The following NAALADL2 variants were observed in gnomAD, a reference collection of about 807,000 sequenced individuals.
The protein encoded by NAALADL2 is inactive N-acetylated-alpha-linked acidic dipeptidase-like protein 2.
NAALADL2 carries 76 observed loss-of-function variants against 87.2 expected under a neutral mutation model. The observed-to-expected ratio is 0.87, with a 90% CI of 0.72 to 1.05. NAALADL2 has a LOEUF of 1.05. Ranked by LOEUF, NAALADL2 falls within the 50% of genes least tolerant of loss-of-function variation. The probability of loss-of-function intolerance (pLI) is 0.00; values close to 1 mark genes in which losing one functional copy is unlikely to be tolerated. For missense variants in NAALADL2, 1,089 were observed against 945.8 expected (o/e 1.15, Z -1.99); for synonymous variants, 354 against 331.0 (o/e 1.07, Z -0.75).
At chr3:175,720,652 A>G (rs148867652) in intron 11 of NAALADL2, among the ~76,000 whole-genome samples, 3,828 of 151,744 alleles carry the variant, frequency 0.025, 59 homozygotes, top group Middle Eastern at 0.075. Flanking sequence ...CCCACATCTA[A>G]AAAAAAATTG....
At chr3:175,612,107 G>C (rs1220065931) in intron 10 of NAALADL2, among the ~76,000 whole-genome samples, 1 of 152,048 alleles carries the variant, frequency 6.6e-6, no homozygotes, top group Admixed American at 6.6e-5. Context: ...TTTAGCCCTT[G>C]GTAAGTAGTA....
chr3:175,068,243 A>T lies in NAALADL2; in HGVS notation c.44-28547A>T, dbSNP rs62287681. Among the ~76,000 whole-genome samples, 12 of 152,230 alleles carry T rather than the reference A, an allele frequency of 7.9e-5. No individual in the cohort carries two copies. The South Asian group carries it at 1.0e-3, about 13-fold the overall frequency. On this transcript the variant is annotated intron_variant, in intron 1 of 13. Transcript: ENST00000454872. ...GCACATGTACCCCTGAATCTAAAAG[A>T]AAAGTTGAGCTTGTAAAACAATAGA...
rs375498712 is a variant in NAALADL2 at position 175,310,122 on chromosome 3, T to G, written c.940-14053T>G. ...AAAATTTCCAAAGTGATTTGACATA[T>G]ACCTTTAATGATAATACTCATTTGC... On this transcript the variant is annotated intron_variant, in intron 4 of 13. Coordinates refer to ENST00000454872, the MANE Select transcript of NAALADL2 (RefSeq NM_207015.3). Among the ~76,000 whole-genome samples, 85 of 152,334 alleles carry G rather than the reference T, an allele frequency of 5.6e-4. 1 individual carries two copies. The South Asian group carries it at 0.017, about 31-fold the overall frequency.
intron 2 of NAALADL2, among the ~76,000 whole-genome samples, chr3:174,725,483 T>C (rs1029003432): frequency 2.4e-4 from 36 of 152,118 alleles, no homozygotes; most frequent in African/African-American, 8.7e-4. Flanking sequence ...ATTCCAAGGG[T>C]AATGACGTAA....
chr3:175,335,428 T>C (rs1761878223), intron 5 of NAALADL2, among the ~76,000 whole-genome samples: 2 of 152,206 alleles, frequency 1.3e-5, no homozygotes, highest in African/African-American at 2.4e-5. Flanking sequence ...TCTTGATAAC[T>C]GAGGATTGTT....
chr3:174,606,547 A>C (rs1022706400), intron 2 of NAALADL2, among the ~76,000 whole-genome samples: 1 of 152,236 alleles, frequency 6.6e-6, no homozygotes, highest in Non-Finnish European at 1.5e-5. Flanking sequence ...AGTCGATGTG[A>C]TCAACTGGAA....
rs575342056 is a variant in NAALADL2 at position 175,160,504 on chromosome 3, C to T, written c.545+63213C>T. On this transcript the variant is annotated intron_variant, in intron 2 of 13. Transcript: ENST00000454872. ...AGTAACTGGGATTACAGGCATGCAC[C>T]TCCACATCCAGCTAATTTTGTATTT... 3.1e-3 allele frequency among the ~76,000 whole-genome samples: 465 copies of T among 151,200 alleles called. 3 individuals carry two copies. The highest frequency in any genetic ancestry group is 0.011 in the African/African-American group (451 of 41,244).
intron 10 of NAALADL2, among the ~76,000 whole-genome samples, chr3:175,619,068 G>A (rs1725782133): frequency 6.6e-6 from 1 of 152,046 alleles, no homozygotes; most frequent in South Asian, 2.1e-4. Context: ...GCCTCTGGAG[G>A]GTGTATGGAG....
intron 2 of NAALADL2, among the ~76,000 whole-genome samples, chr3:174,712,467 A>C (rs1730746325): frequency 7.5e-6 from 1 of 133,444 alleles, no homozygotes; most frequent in Admixed American, 9.0e-5. Flanking sequence ...GGCTCACTGC[A>C]AGCTCCACCT....
chr3:175,760,276 G>T (rs552548713), intron 13 of NAALADL2, among the ~76,000 whole-genome samples: 1 of 152,194 alleles, frequency 6.6e-6, no homozygotes, highest in East Asian at 1.9e-4. Context: ...AGCACTATTT[G>T]TCTACATGTA....
chr3:175,408,620 G>T (rs1292273045), intron 5 of NAALADL2, among the ~76,000 whole-genome samples: 3 of 151,944 alleles, frequency 2.0e-5, no homozygotes, highest in Admixed American at 2.0e-4. Flanking sequence ...GTTTCAGAAT[G>T]AATACTGCGA....
chr3:175,294,270 G>T lies in NAALADL2; in HGVS notation c.940-29905G>T, dbSNP rs144236159. Among the ~76,000 whole-genome samples, 469 of 152,160 alleles carry T rather than the reference G, an allele frequency of 3.1e-3. 4 individuals carry two copies. Among genetic ancestry groups the T allele is most frequent in the African/African-American group, 0.01 (434 of 41,494 alleles). On this transcript the variant is annotated intron_variant, in intron 4 of 13. Coordinates refer to ENST00000454872, the MANE Select transcript of NAALADL2 (RefSeq NM_207015.3). ...GTTTGTTGTTCTTCTATTCCTTGAA[G>T]ATTTAATACCTACTTATTTGCTCTC...
intron 3 of NAALADL2, among the ~76,000 whole-genome samples, chr3:175,255,453 A>G (rs1158886903): frequency 1.3e-5 from 2 of 152,292 alleles, no homozygotes; most frequent in East Asian, 3.9e-4. Context: ...ATGATTTGCC[A>G]TGACTAACTG....
intron 2 of NAALADL2, among the ~76,000 whole-genome samples, chr3:174,603,401 G>A (rs80214150): frequency 2.3e-4 from 35 of 151,856 alleles, no homozygotes; most frequent in Middle Eastern, 3.4e-3. Context: ...GCATGTAATT[G>A]TTCATAATTT....
intron 2 of NAALADL2, among the ~76,000 whole-genome samples, chr3:174,627,665 T>C (rs975449712): frequency 6.6e-6 from 1 of 152,224 alleles, no homozygotes; most frequent in African/African-American, 2.4e-5. Context: ...CTCTTCAAAA[T>C]AGCAAAGTCA....
At chr3:175,131,779 C>T (rs1398860118) in intron 2 of NAALADL2, among the ~76,000 whole-genome samples, 1 of 148,798 alleles carries the variant, frequency 6.7e-6, no homozygotes, top group Non-Finnish European at 1.5e-5. Context: ...GGGCTGACCC[C>T]CCCACCTCCC....
intron 2 of NAALADL2, among the ~76,000 whole-genome samples, chr3:175,123,762 A>G (rs187245090): frequency 3.9e-5 from 6 of 152,074 alleles, no homozygotes; most frequent in African/African-American, 1.4e-4. Flanking sequence ...AGCCCTTACC[A>G]ATCTTCTATA....
intron 9 of NAALADL2, among the ~76,000 whole-genome samples, chr3:175,556,177 G>A (rs577040786): frequency 3.5e-4 from 53 of 151,998 alleles, no homozygotes; most frequent in African/African-American, 1.2e-3. Context: ...CATTCACTAA[G>A]AAAATAAGGT....
At chr3:175,592,307 C>CTTTTTTTTTT (rs758914649) in intron 10 of NAALADL2, among the ~76,000 whole-genome samples, 10 of 43,230 alleles carry the variant, frequency 2.3e-4, no homozygotes, top group African/African-American at 3.9e-4. Flanking sequence ...TTTTTCTTTT[C>CTTTTTTTTTT]TTTTTTTTTT....
Sources: allele counts gnomAD v4.1 joint callset (sites outside exome capture counted in the v4.1 genomes callset), GRCh38; gene constraint gnomAD v4.1.1; transcripts MANE v1.5; gene names NCBI Gene and HGNC (gene_info 2026-07-23, HGNC 2026-07-21).